OLFM3: variants seen among roughly 807,000 people sequenced by gnomAD.
OLFM3 encodes olfactomedin 3, also known as noelin-3.
A neutral mutation model predicts 48.6 loss-of-function variants in OLFM3; 20 were observed. The ratio of observed to expected loss-of-function variants is 0.41; its 90% confidence interval spans 0.29 to 0.60. OLFM3 has a LOEUF of 0.60. Ranked by LOEUF, OLFM3 falls within the 20% of genes least tolerant of loss-of-function variation. The pLI, the probability that OLFM3 is intolerant of heterozygous loss-of-function variation, is 0.28. For synonymous variants in OLFM3, 222 were observed against 198.1 expected (o/e 1.12, Z -1.01); for missense variants, 437 against 544.3 (o/e 0.80, Z 1.96).
chr1:101,990,012 GT>G (rs1661355716), intron 1 of OLFM3, among the ~76,000 whole-genome samples: 1 of 152,174 alleles, frequency 6.6e-6, no homozygotes, highest in African/African-American at 2.4e-5. Context: ...ATAAAAAACA[GT>G]TTTATCTGTT....
At chr1:101,932,962 G>A (rs978263653) in intron 1 of OLFM3, among the ~76,000 whole-genome samples, 4 of 152,094 alleles carry the variant, frequency 2.6e-5, no homozygotes, top group African/African-American at 9.7e-5. Flanking sequence ...CCAGCACTCT[G>A]GGAGGCTGAG....
chr1:101,968,262 A>T (rs1224470047), intron 1 of OLFM3, among the ~76,000 whole-genome samples: 1 of 152,230 alleles, frequency 6.6e-6, no homozygotes, highest in African/African-American at 2.4e-5. Flanking sequence ...GAATGGTCCC[A>T]TCACATCCTT....
chr1:101,867,757 T>A (rs1656912447), intron 1 of OLFM3, among the ~76,000 whole-genome samples: 1 of 152,232 alleles, frequency 6.6e-6, no homozygotes, highest in Non-Finnish European at 1.5e-5. Flanking sequence ...TAATAGTTTT[T>A]GCTTCATAAA....
At chr1:101,956,460 C>T (rs1660300681) in intron 1 of OLFM3, among the ~76,000 whole-genome samples, 1 of 151,764 alleles carries the variant, frequency 6.6e-6, no homozygotes, top group South Asian at 2.1e-4. Context: ...TGTTTTCTTG[C>T]TGGTAATACT....
intron 1 of OLFM3, among the ~76,000 whole-genome samples, chr1:101,966,114 T>C (rs982772667): frequency 5.3e-5 from 8 of 152,166 alleles, no homozygotes; most frequent in African/African-American, 1.7e-4. Flanking sequence ...CTGTAACATT[T>C]CTTGTTGATT....
At chr1:101,918,627 A>G (rs1391833855) in intron 1 of OLFM3, among the ~76,000 whole-genome samples, 1 of 150,236 alleles carries the variant, frequency 6.7e-6, no homozygotes, top group Non-Finnish European at 1.5e-5. Flanking sequence ...ATAATGCAGG[A>G]TAACCTCTCC....
intron 4 of OLFM3, among the ~76,000 whole-genome samples, chr1:101,809,461 T>A (rs1653940464): frequency 6.6e-6 from 1 of 151,806 alleles, no homozygotes; most frequent in Non-Finnish European, 1.5e-5. Context: ...GAAAACAGAA[T>A]AAAGATATTT....
chr1:101,950,220 C>T (rs373155102), intron 1 of OLFM3, among the ~76,000 whole-genome samples: 30 of 152,086 alleles, frequency 2.0e-4, no homozygotes, highest in African/African-American at 7.0e-4. Context: ...AACTCACCAA[C>T]ATGGTTCACC....
intron 1 of OLFM3, among the ~76,000 whole-genome samples, chr1:101,979,854 G>A (rs1661057493): frequency 6.6e-6 from 1 of 152,214 alleles, no homozygotes; most frequent in African/African-American, 2.4e-5. Flanking sequence ...GGCACTCAAT[G>A]CCAGCCCATG....
chr1:101,937,415 A>G (rs1444485132), intron 1 of OLFM3, among the ~76,000 whole-genome samples: 1 of 152,158 alleles, frequency 6.6e-6, no homozygotes, highest in Non-Finnish European at 1.5e-5. Context: ...GTCCCAACCT[A>G]AATCTCGTCT....
chr1:101,846,960 A>C, intron 1 of OLFM3: 3 of 1,612,088 alleles, frequency 1.9e-6, no homozygotes, highest in Non-Finnish European at 2.5e-6. Flanking sequence ...AAGCTTCAGC[A>C]GTGGAGGACT....
At chr1:101,961,167 AT>A (rs1241322192) in intron 1 of OLFM3, among the ~76,000 whole-genome samples, 1 of 152,102 alleles carries the variant, frequency 6.6e-6, no homozygotes, top group African/African-American at 2.4e-5. Context: ...TCAGAAGTAT[AT>A]TTTTAGAGGA....
intron 1 of OLFM3, among the ~76,000 whole-genome samples, chr1:101,919,409 A>G (rs2101036531): frequency 6.6e-6 from 1 of 152,310 alleles, no homozygotes; most frequent in East Asian, 1.9e-4. Flanking sequence ...TTTTAGTGAA[A>G]GTCACCAGTG....
In OLFM3 at chr1:101,806,146, G is replaced by A. The variant is rs150207671; in HGVS notation, c.629C>T (p.Thr210Ile). 888 of 1,611,954 alleles carry A rather than the reference G, an allele frequency of 5.5e-4. 1 individual carries two copies. The highest frequency in any genetic ancestry group is 7.0e-4 in the Non-Finnish European group (830 of 1,178,698). ...GKLMKITGPVTVKTSGTRFGA... is the reference protein window; with the variant it reads ...GKLMKITGPVIVKTSGTRFGA... ...AAATCGGGTTCCAGATGTCTTGACT[G>A]TAACTGGGCCTGTGATTTTCATCAG... is the stretch of plus-strand genomic sequence containing the variant. Residue 210 changes from threonine (T) to isoleucine (I), a missense_variant, in exon 5 of 6, where the codon ACA becomes ATA. Thr to Ile is a moderately conservative substitution (Grantham distance 89). This residue lies in a region of OLFM3 where 314 missense variants were observed against 365.5 expected (regional missense o/e 0.86). Coordinates refer to ENST00000370103, the MANE Select transcript of OLFM3 (RefSeq NM_058170.4).
At chr1:101,956,091 T>G (rs957934254) in intron 1 of OLFM3, among the ~76,000 whole-genome samples, 1 of 123,588 alleles carries the variant, frequency 8.1e-6, no homozygotes, top group African/African-American at 3.0e-5. Flanking sequence ...AACAGGTTTT[T>G]TTTTTTTTTT....
intron 1 of OLFM3, among the ~76,000 whole-genome samples, chr1:101,837,368 T>G (rs982965067): frequency 2.0e-5 from 3 of 152,130 alleles, no homozygotes; most frequent in Non-Finnish European, 4.4e-5. Flanking sequence ...TGACTCGTCT[T>G]TCTACATAAG....
chr1:101,987,500 A>G (rs1557758752), intron 1 of OLFM3, among the ~76,000 whole-genome samples: 1 of 152,146 alleles, frequency 6.6e-6, no homozygotes. Context: ...TTTCATTATG[A>G]CACAAAACTT....
chr1:101,881,348 T>C (rs1024672819), intron 1 of OLFM3, among the ~76,000 whole-genome samples: 2 of 151,846 alleles, frequency 1.3e-5, no homozygotes, highest in African/African-American at 2.4e-5. Context: ...TTCTGAACAT[T>C]GAGATATCCT....
chr1:101,872,129 G>A (rs944237104), intron 1 of OLFM3, among the ~76,000 whole-genome samples: 6 of 152,054 alleles, frequency 3.9e-5, no homozygotes, highest in Admixed American at 2.6e-4. Context: ...TGTCCTTGAA[G>A]CATAGGAAGG....
Sources: gnomAD v4.1 joint callset for allele counts (sites outside exome capture counted in the v4.1 genomes callset) on GRCh38, gnomAD v4.1.1 for gene constraint, gnomAD v4.1.1 regional missense constraint, MANE v1.5 for transcripts, NCBI Gene and HGNC (gene_info 2026-07-23, HGNC 2026-07-21) for gene names.